The following SP140 variants were observed in gnomAD, a reference collection of about 807,000 sequenced individuals.
The protein encoded by SP140 is SP140 nuclear body protein, also known as nuclear body protein SP140.
A neutral mutation model predicts 125.0 loss-of-function variants in SP140; 81 were observed. That is an observed-to-expected ratio of 0.65 (90% CI 0.54 to 0.78). The LOEUF is 0.78. Ranked by LOEUF, SP140 falls within the 30% of genes least tolerant of loss-of-function variation. SP140 has a pLI of 0.00. For missense variants in SP140, 858 were observed against 1,037.0 expected, an observed-to-expected ratio of 0.83 and a Z score of 2.37; for synonymous variants, 312 against 354.0, an observed-to-expected ratio of 0.88 and a Z score of 1.33.
intron 14 of SP140, 110 bp from the exon 15 acceptor site, chr2:230,270,476 T>C: frequency 9.0e-7 from 1 of 1,112,490 alleles, no homozygotes; most frequent in Non-Finnish European, 1.3e-6. Flanking sequence ...AGAGGAATGA[T>C]TATCCAAGCA....
intron 12 of SP140, among the ~76,000 whole-genome samples, chr2:230,266,169 ACT>A (rs1190164405): frequency 2.0e-5 from 3 of 151,948 alleles, no homozygotes; most frequent in Admixed American, 2.0e-4. Flanking sequence ...GTCTTGGGAA[ACT>A]CTGAAGACAT....
intron 12 of SP140, among the ~76,000 whole-genome samples, chr2:230,257,307 G>A (rs1296584414): frequency 1.3e-5 from 2 of 151,816 alleles, no homozygotes; most frequent in South Asian, 4.2e-4. Flanking sequence ...GAAAAATAGA[G>A]CCAGAAAAGA....
intron 17 of SP140, among the ~76,000 whole-genome samples, chr2:230,286,781 G>T (rs1463377112): frequency 6.6e-6 from 1 of 152,098 alleles, no homozygotes; most frequent in Non-Finnish European, 1.5e-5. Flanking sequence ...ACTTGCTTGG[G>T]ACTTTCTCAA....
downstream of SP140, among the ~76,000 whole-genome samples, chr2:230,314,245 G>A (rs1474632336): frequency 2.6e-5 from 4 of 152,184 alleles, no homozygotes; most frequent in Admixed American, 6.5e-5. Context: ...GGAAGAATGA[G>A]CTACCACCCC....
chr2:230,248,302 T>C (rs888207003), intron 8 of SP140, among the ~76,000 whole-genome samples: 2 of 151,830 alleles, frequency 1.3e-5, no homozygotes, highest in Admixed American at 1.3e-4. Context: ...AAAGGCAAAG[T>C]AGAAAAGGAA....
chr2:230,314,228 C>T (rs1005974393), downstream of SP140, among the ~76,000 whole-genome samples: 2 of 152,156 alleles, frequency 1.3e-5, no homozygotes, highest in African/African-American at 4.8e-5. Flanking sequence ...TCCTCTTTCC[C>T]CTTGTTGGAA....
chr2:230,256,371 T>G (rs1443966591), intron 12 of SP140, among the ~76,000 whole-genome samples: 3 of 148,520 alleles, frequency 2.0e-5, no homozygotes, highest in Non-Finnish European at 4.4e-5. Context: ...ATGTCCTTTG[T>G]AGGGACATGG....
At chr2:230,202,588 T>C (rs199656039), upstream of SP140, 6 of 1,614,112 alleles carry the variant, frequency 3.7e-6, no homozygotes, top group Non-Finnish European at 8.5e-7. Flanking sequence ...CCCTCTGATC[T>C]CGACTTTCGG....
At chr2:230,223,040 T>G (rs1330844020), upstream of SP140, among the ~76,000 whole-genome samples, 1 of 96,096 alleles carries the variant, frequency 1.0e-5, no homozygotes, top group Non-Finnish European at 2.6e-5. Context: ...TCAGTCTGAC[T>G]TTTTTTTTTT....
At chr2:230,258,682 C>A (rs971289421) in intron 12 of SP140, among the ~76,000 whole-genome samples, 5 of 152,228 alleles carry the variant, frequency 3.3e-5, no homozygotes, top group South Asian at 2.1e-4. Context: ...CGTGGCTTTC[C>A]CACATGTGCT....
chr2:230,251,435 G>A lies in SP140; in HGVS notation c.1057+374G>A, dbSNP rs192127360. On this transcript the variant is annotated intron_variant, in intron 10 of 26. Coordinates refer to ENST00000392045, the MANE Select transcript of SP140 (RefSeq NM_007237.5). ...ATACCCTCACAAAACCTTAAGATGG[G>A]GCCAGACAAACTGGGTAATCCTATT... 6.6e-5 allele frequency among the ~76,000 whole-genome samples: 10 copies of A among 152,062 alleles called. No individual in the cohort carries two copies. In the East Asian group the frequency reaches 9.7e-4, roughly 15 times the overall value.
chr2:230,257,021 A>T (rs1479104085), intron 12 of SP140, among the ~76,000 whole-genome samples: 2 of 152,060 alleles, frequency 1.3e-5, no homozygotes, highest in Non-Finnish European at 2.9e-5. Flanking sequence ...GTTTGATAAG[A>T]CCCAAGAAAA....
intron 1 of SP140, chr2:230,208,066 A>T (rs1404877900): frequency 7.0e-7 from 1 of 1,428,366 alleles, no homozygotes; most frequent in South Asian, 1.2e-5. Context: ...TTTCCTAAAA[A>T]GAAAGGATAA....
chr2:230,288,247 A>G (rs73106377), intron 18 of SP140: 5,951 of 363,116 alleles, frequency 0.016, 246 homozygotes, highest in African/African-American at 0.096. Context: ...TCATTGCCGT[A>G]TAAAGGGTAT....
the SP140 span, among the ~76,000 whole-genome samples, chr2:230,192,432 CAA>C: frequency 6.6e-6 from 1 of 152,186 alleles, no homozygotes; most frequent in South Asian, 2.1e-4. Context: ...GCAACTTCAA[CAA>C]AGTCTCAGGA....
intron 12 of SP140, among the ~76,000 whole-genome samples, chr2:230,262,636 T>G (rs2052461334): frequency 6.6e-6 from 1 of 152,196 alleles, no homozygotes; most frequent in Non-Finnish European, 1.5e-5. Flanking sequence ...CCAGAGGTTT[T>G]GATTGTCATT....
chr2:230,312,698 T>C lies in SP140; in HGVS notation c.*14T>C. The C allele has an allele frequency of 6.3e-7, 1 of 1,579,944 alleles. No individual in the cohort carries two copies. The highest frequency in any genetic ancestry group is 8.7e-7 in the Non-Finnish European group (1 of 1,150,610). On this transcript the variant is annotated 3_prime_UTR_variant, in exon 27 of 27. Coordinates refer to ENST00000392045, the MANE Select transcript of SP140 (RefSeq NM_007237.5). ...GGGAACAATTGACTGGATTAGTGGATGCTGAAAGCATTCAGCAAATGGCAC... is the reference window on the plus strand; with the variant it reads ...GGGAACAATTGACTGGATTAGTGGACGCTGAAAGCATTCAGCAAATGGCAC...
chr2:230,206,629 A>G (rs2043880341), intron 1 of SP140, among the ~76,000 whole-genome samples: 1 of 104,644 alleles, frequency 9.6e-6, no homozygotes, highest in Non-Finnish European at 2.0e-5. Flanking sequence ...ATATATATAT[A>G]TATATATATG....
At position 230,206,595 on chromosome 2, in the gene SP140, T is replaced by TTTTA. The variant is rs1317441117; in HGVS notation, c.-323+3317_-323+3318insTTAT. ...TATTATATATTATCTGGTCCAGATT[T>TTTTA]TATATATATATATATATATATATAT... On this transcript the variant is annotated intron_variant, in intron 1 of 4. Transcript: ENST00000456542. 1.8e-3 allele frequency among the ~76,000 whole-genome samples: 125 copies of TTTTA among 70,492 alleles called. 1 individual carries two copies. The highest frequency in any genetic ancestry group is 3.0e-3 in the Non-Finnish European group (106 of 35,164). The allele number at this position is 70,492 out of a possible 152,430, so 46.2% of individuals were successfully genotyped here. A position where few individuals can be genotyped will look rare whatever the true frequency, so the allele number is the denominator to read the frequency against.
Sources: allele counts gnomAD v4.1 joint callset (sites outside exome capture counted in the v4.1 genomes callset), GRCh38; gene constraint gnomAD v4.1.1; transcripts MANE v1.5; gene names NCBI Gene and HGNC (gene_info 2026-07-23, HGNC 2026-07-21).